Variants in DLGAP1 observed in about 807,000 individuals in gnomAD.
DLGAP1 encodes the protein DLG associated protein 1, also known as disks large-associated protein 1.
DLGAP1 carries 11 observed loss-of-function variants against 90.8 expected under a neutral mutation model. The observed-to-expected ratio is 0.12, with a 90% CI of 0.08 to 0.20. DLGAP1 has a LOEUF of 0.20. Among genes scored for constraint, DLGAP1 ranks in the 10% least tolerant of loss-of-function variants. DLGAP1 has a pLI of 1.00. For missense variants in DLGAP1, 1,050 were observed against 1,333.8 expected, an observed-to-expected ratio of 0.79 and a Z score of 3.31; for synonymous variants, 558 against 540.7, an observed-to-expected ratio of 1.03 and a Z score of -0.44.
At chr18:3,827,101 T>C (rs1328567189) in intron 4 of DLGAP1, among the ~76,000 whole-genome samples, 1 of 152,170 alleles carries the variant, frequency 6.6e-6, no homozygotes, top group African/African-American at 2.4e-5. Context: ...AAGTTTGAAA[T>C]GCCCATGGGT....
intron 2 of DLGAP1, among the ~76,000 whole-genome samples, chr18:4,118,727 G>C (rs72858732): frequency 0.13 from 20,380 of 152,028 alleles, 1,452 homozygotes; most frequent in Middle Eastern, 0.21. Flanking sequence ...TCCTCAATCA[G>C]TTTCCCTAAG....
chr18:3,969,429 T>A (rs949078313), intron 3 of DLGAP1, among the ~76,000 whole-genome samples: 1 of 152,134 alleles, frequency 6.6e-6, no homozygotes, highest in African/African-American at 2.4e-5. Flanking sequence ...GTTGACTGAG[T>A]GTATTACACC....
chr18:4,405,622 T>C (rs1363140558), intron 1 of DLGAP1, among the ~76,000 whole-genome samples: 2 of 152,006 alleles, frequency 1.3e-5, no homozygotes, highest in Non-Finnish European at 2.9e-5. Flanking sequence ...TACGTCCCTA[T>C]TGTTCTGAAG....
chr18:4,430,494 TTGTGTGTCTG>T lies in DLGAP1; in HGVS notation c.-267+24502_-267+24511del, dbSNP rs1366229313. The T allele has an allele frequency of 6.8e-5, 5 of 73,358 alleles. No individual in the cohort carries two copies. In the Admixed American group the frequency reaches 7.5e-4, roughly 11 times the overall value. 4.5% of individuals were successfully genotyped at this position (73,358 alleles called of 1,614,324 possible). ...CTTAGGTCTTTTCTGGTAAATAGTC[TTGTGTGTCTG>T]TGTGTGTGTGTGTGTGTGTGTGTGT... is the stretch of plus-strand genomic sequence containing the variant. On this transcript the variant is annotated intron_variant, in intron 1 of 12. Transcript: ENST00000315677.
intron 1 of DLGAP1, among the ~76,000 whole-genome samples, chr18:4,410,928 A>G (rs2144609135): frequency 6.6e-6 from 1 of 152,272 alleles, no homozygotes; most frequent in Non-Finnish European, 1.5e-5. Context: ...TGCCTGCTGA[A>G]GGCTCATGCC....
chr18:4,239,699 TGTCTTCGATTTAAAATCAAACTATA>T (rs2078491051), intron 1 of DLGAP1, among the ~76,000 whole-genome samples: 1 of 152,182 alleles, frequency 6.6e-6, no homozygotes, highest in African/African-American at 2.4e-5. Flanking sequence ...CTAAACAAAG[TGTCTTCGATTTAAAATCAAACTATA>T]CAGGCCTCCT....
chr18:4,218,338 CAAAT>C (rs1366009574), intron 1 of DLGAP1, among the ~76,000 whole-genome samples: 1 of 151,808 alleles, frequency 6.6e-6, no homozygotes, highest in African/African-American at 2.4e-5. Flanking sequence ...TTTAAGTTGA[CAAAT>C]AGTAATTGTA....
intron 4 of DLGAP1, among the ~76,000 whole-genome samples, chr18:3,837,458 T>C (rs2068453161): frequency 6.6e-6 from 1 of 152,214 alleles, no homozygotes; most frequent in Non-Finnish European, 1.5e-5. Flanking sequence ...GGCTCTTTCT[T>C]TTCATAAACA....
chr18:3,540,591 T>A (rs1028805045), intron 9 of DLGAP1, among the ~76,000 whole-genome samples: 4 of 150,322 alleles, frequency 2.7e-5, no homozygotes, highest in Non-Finnish European at 4.4e-5. Flanking sequence ...GGCATAAGCA[T>A]CCCTTGTGCA....
chr18:3,497,720 G>A lies in DLGAP1; in HGVS notation c.*1465C>T, dbSNP rs367718762. The stretch of plus-strand genomic sequence containing the variant: ...ACATCCTAAGTGTTTAAACTGTGAC[G>A]AGTAAGGGCATTTAAAGACAACTTC... On this transcript the variant is annotated 3_prime_UTR_variant, in exon 13 of 13. Coordinates refer to ENST00000315677, the MANE Select transcript of DLGAP1 (RefSeq NM_004746.4). 1.3e-5 allele frequency: 2 copies of A among 152,194 alleles called. No individual in the cohort carries two copies. Among genetic ancestry groups the A allele is most frequent in the Non-Finnish European group, 2.9e-5 (2 of 68,038 alleles). 9.4% of individuals were successfully genotyped at this position (152,194 alleles called of 1,614,324 possible). A position where few individuals can be genotyped will look rare whatever the true frequency, so the allele number is the denominator to read the frequency against.
At chr18:3,508,247 C>T (rs754168921) in intron 11 of DLGAP1, among the ~76,000 whole-genome samples, 9 of 152,206 alleles carry the variant, frequency 5.9e-5, no homozygotes, top group East Asian at 3.9e-4. Context: ...AAATATCAAG[C>T]TGCTTCATAT....
chr18:3,598,489 C>G (rs2056719157), intron 7 of DLGAP1: 1 of 131,362 alleles, frequency 7.6e-6, no homozygotes. Flanking sequence ...TTTTTTTGAG[C>G]CAGAGTCTGG....
intron 2 of DLGAP1, among the ~76,000 whole-genome samples, chr18:4,090,812 A>G (rs1323978623): frequency 6.6e-6 from 1 of 152,244 alleles, no homozygotes; most frequent in Non-Finnish European, 1.5e-5. Flanking sequence ...TGGCAGCGCT[A>G]TTCACAATAG....
At chr18:4,339,986 T>G (rs1011297010) in intron 1 of DLGAP1, among the ~76,000 whole-genome samples, 1 of 152,200 alleles carries the variant, frequency 6.6e-6, no homozygotes, top group Non-Finnish European at 1.5e-5. Context: ...TTATGTTACA[T>G]TGGTCTTCTC....
At chr18:3,721,828 G>C (rs1159745300) in intron 7 of DLGAP1, 1 of 152,128 alleles carries the variant, frequency 6.6e-6, no homozygotes, top group Non-Finnish European at 1.5e-5. Flanking sequence ...TGGTCAAGTT[G>C]TGTAACCTCT....
chr18:3,886,392 C>T (rs1035474882), intron 3 of DLGAP1, among the ~76,000 whole-genome samples: 18 of 152,256 alleles, frequency 1.2e-4, no homozygotes, highest in African/African-American at 3.4e-4. Flanking sequence ...ATATCCATCA[C>T]GTCAAATATT....
intron 1 of DLGAP1, among the ~76,000 whole-genome samples, chr18:4,273,754 T>C (rs957874218): frequency 2.0e-5 from 3 of 152,234 alleles, no homozygotes; most frequent in African/African-American, 7.2e-5. Flanking sequence ...TTTTTACATA[T>C]GGTGAGAAAT....
rs958827423 is a variant in DLGAP1, at chr18:3,887,936, G to A, written c.-72-7796C>T. 5.9e-5 allele frequency among the ~76,000 whole-genome samples: 9 copies of A among 151,338 alleles called. No homozygotes were observed. The South Asian group carries it at 1.5e-3, about 25-fold the overall frequency. On this transcript the variant is annotated intron_variant, in intron 3 of 12. Coordinates refer to ENST00000315677, the MANE Select transcript of DLGAP1 (RefSeq NM_004746.4). ...ATCCTGGCTAACATGGTCAAACCCCGTCTCTACTAAAAATACAAAAAATTA... is the reference window on the plus strand; with the variant it reads ...ATCCTGGCTAACATGGTCAAACCCCATCTCTACTAAAAATACAAAAAATTA...
intron 1 of DLGAP1, among the ~76,000 whole-genome samples, chr18:4,380,078 C>G (rs1476713974): frequency 6.6e-6 from 1 of 152,032 alleles, no homozygotes; most frequent in Non-Finnish European, 1.5e-5. Context: ...CACAAATGTC[C>G]TTCCAGGAAA....
Sources: gnomAD v4.1 joint callset for allele counts (sites outside exome capture counted in the v4.1 genomes callset) on GRCh38, gnomAD v4.1.1 for gene constraint, MANE v1.5 for transcripts, NCBI Gene and HGNC (gene_info 2026-07-23, HGNC 2026-07-21) for gene names.